Variants in GALNT13 observed in about 807,000 individuals in gnomAD.
GALNT13 encodes the protein UDP-GalNAc:polypeptide N-acetylgalactosaminyltransferase 13.
In GALNT13, 28 loss-of-function variants were observed where a neutral mutation model predicts 64.2. The ratio of observed to expected loss-of-function variants is 0.44; its 90% CI spans 0.32 to 0.60. The LOEUF is 0.60. Ranked by LOEUF, GALNT13 falls within the 20% of genes least tolerant of loss-of-function variation. The pLI, the probability that GALNT13 is intolerant of heterozygous loss-of-function variation, is 0.05. For missense variants in GALNT13, 577 were observed against 669.8 expected, an observed-to-expected ratio of 0.86 and a Z score of 1.53; for synonymous variants, 214 against 224.6, an observed-to-expected ratio of 0.95 and a Z score of 0.42.
chr2:154,364,772 G>A (rs1032518584), intron 9 of GALNT13, among the ~76,000 whole-genome samples: 1 of 152,136 alleles, frequency 6.6e-6, no homozygotes, highest in Non-Finnish European at 1.5e-5. Context: ...CCGAGTTCAA[G>A]CGATTCCCTT....
chr2:153,104,791 A>C, the GALNT13 span, among the ~76,000 whole-genome samples: 1 of 152,164 alleles, frequency 6.6e-6, no homozygotes, highest in South Asian at 2.1e-4. Context: ...GGCAGATTTC[A>C]TATAGAAGTT....
At chr2:153,718,655 G>A in the GALNT13 span, among the ~76,000 whole-genome samples, 2 of 152,072 alleles carry the variant, frequency 1.3e-5, no homozygotes, top group Non-Finnish European at 2.9e-5. Context: ...GCAGGTGTCA[G>A]GACGGAGCAT....
intron 3 of GALNT13, among the ~76,000 whole-genome samples, chr2:153,996,451 T>A (rs1695529296): frequency 6.6e-6 from 1 of 152,128 alleles, no homozygotes; most frequent in African/African-American, 2.4e-5. Context: ...GTTTTTATCC[T>A]ATATCTACTG....
At chr2:153,795,056 G>C in the GALNT13 span, among the ~76,000 whole-genome samples, 1 of 152,130 alleles carries the variant, frequency 6.6e-6, no homozygotes, top group Non-Finnish European at 1.5e-5. Context: ...GACCTCACAG[G>C]TTTGGCTTTC....
intron 8 of GALNT13, among the ~76,000 whole-genome samples, chr2:154,274,247 A>C (rs1365032252): frequency 6.6e-6 from 1 of 152,208 alleles, no homozygotes; most frequent in Non-Finnish European, 1.5e-5. Context: ...TTGAAGATGC[A>C]GATATATAGT....
At chr2:153,606,804 A>G in the GALNT13 span, among the ~76,000 whole-genome samples, 3 of 147,120 alleles carry the variant, frequency 2.0e-5, no homozygotes. Flanking sequence ...TCTCCTTCAC[A>G]TTCTCTTCTG....
intron 9 of GALNT13, among the ~76,000 whole-genome samples, chr2:154,362,308 G>C (rs1379385145): frequency 2.2e-5 from 3 of 136,998 alleles, no homozygotes; most frequent in Non-Finnish European, 4.6e-5. Flanking sequence ...GTCTGGACTA[G>C]TCTTATTACT....
the GALNT13 span, among the ~76,000 whole-genome samples, chr2:153,419,352 A>G: frequency 6.6e-6 from 1 of 152,214 alleles, no homozygotes; most frequent in Non-Finnish European, 1.5e-5. Flanking sequence ...GATTATGGGA[A>G]CTTCAAAATG....
chr2:153,258,969 G>T, the GALNT13 span, among the ~76,000 whole-genome samples: 1 of 152,170 alleles, frequency 6.6e-6, no homozygotes. Context: ...GGTCCGTTTG[G>T]TCTACAGTGC....
At chr2:153,532,657 A>G in the GALNT13 span, among the ~76,000 whole-genome samples, 1 of 152,202 alleles carries the variant, frequency 6.6e-6, no homozygotes, top group African/African-American at 2.4e-5. Flanking sequence ...TATAAGTTTC[A>G]GTTTTACATT....
the GALNT13 span, among the ~76,000 whole-genome samples, chr2:153,642,557 A>G: frequency 1.7e-4 from 26 of 152,034 alleles, no homozygotes; most frequent in Non-Finnish European, 2.9e-4. Context: ...TGTATCTAAT[A>G]ACATATTTTT....
the GALNT13 span, among the ~76,000 whole-genome samples, chr2:153,711,411 G>C: frequency 6.6e-6 from 1 of 152,084 alleles, no homozygotes; most frequent in Admixed American, 6.6e-5. Context: ...GCATAGCTCA[G>C]TACCGTGTAC....
chr2:153,602,985 T>A, the GALNT13 span, among the ~76,000 whole-genome samples: 3 of 151,910 alleles, frequency 2.0e-5, no homozygotes, highest in African/African-American at 7.2e-5. Context: ...TTAATATTTC[T>A]TCTGTACTTT....
intron 7 of GALNT13, among the ~76,000 whole-genome samples, chr2:154,247,567 G>A (rs575878129): frequency 6.6e-6 from 1 of 152,064 alleles, no homozygotes; most frequent in East Asian, 1.9e-4. Context: ...AGATAACTAA[G>A]AGGTAGCCAG....
rs139538574 is a variant in GALNT13 at position 154,441,342 on chromosome 2, C to T, written c.1530+2616C>T. On this transcript the variant is annotated intron_variant, in intron 12 of 12. Coordinates refer to ENST00000392825, the MANE Select transcript of GALNT13 (RefSeq NM_052917.4). ...TGGTTCTATTCTTCTCATATTCCAA[C>T]CTGTGGAAAGTAAATGCGCACTGCT... is the stretch of plus-strand genomic sequence containing the variant. 3.4e-3 allele frequency among the ~76,000 whole-genome samples: 524 copies of T among 152,204 alleles called. 5 individuals carry two copies. The highest frequency in any genetic ancestry group is 0.011 in the African/African-American group (467 of 41,534).
chr2:154,059,151 C>A (rs1261120460), intron 3 of GALNT13, among the ~76,000 whole-genome samples: 1 of 152,310 alleles, frequency 6.6e-6, no homozygotes, highest in Middle Eastern at 3.4e-3. Context: ...ACTGCGGTTA[C>A]CGCAAACTGA....
chr2:153,539,134 G>A, the GALNT13 span, among the ~76,000 whole-genome samples: 17 of 146,202 alleles, frequency 1.2e-4, no homozygotes, highest in Non-Finnish European at 1.5e-5. Context: ...GCATTTCTCT[G>A]ATGGCCAGTG....
intron 9 of GALNT13, among the ~76,000 whole-genome samples, chr2:154,377,628 T>C (rs1175390393): frequency 6.6e-6 from 1 of 152,138 alleles, no homozygotes. Flanking sequence ...AAAAGTTACA[T>C]TGGCGTAGTT....
the GALNT13 span, among the ~76,000 whole-genome samples, chr2:153,280,570 G>A: frequency 6.6e-6 from 1 of 151,934 alleles, no homozygotes; most frequent in Non-Finnish European, 1.5e-5. Context: ...TCATGTCTTC[G>A]TTTTTATTTC....
Sources: allele counts gnomAD v4.1 joint callset (sites outside exome capture counted in the v4.1 genomes callset), GRCh38; gene constraint gnomAD v4.1.1; transcripts MANE v1.5; gene names NCBI Gene and HGNC (gene_info 2026-07-23, HGNC 2026-07-21).